The following CNTNAP2 variants were observed in gnomAD, a reference collection of about 807,000 sequenced individuals.
The protein encoded by CNTNAP2 is contactin associated protein 2, also known as contactin-associated protein-like 2.
CNTNAP2 carries 98 observed loss-of-function variants against 155.2 expected under a neutral mutation model. That is an observed-to-expected ratio of 0.63 (90% confidence interval 0.54 to 0.75). The LOEUF (loss-of-function observed/expected upper bound fraction) is 0.75. Among genes scored for constraint, CNTNAP2 ranks in the 30% least tolerant of loss-of-function variants. The probability of loss-of-function intolerance (pLI) is 0.00; values close to 1 mark genes in which losing one functional copy is unlikely to be tolerated. For synonymous variants in CNTNAP2, 651 were observed against 631.2 expected (o/e 1.03, Z -0.47); for missense variants, 1,727 against 1,688.1 (o/e 1.02, Z -0.40).
chr7:147,131,401 C>T (rs1801356377), intron 7 of CNTNAP2, among the ~76,000 whole-genome samples: 1 of 151,648 alleles, frequency 6.6e-6, no homozygotes, highest in Non-Finnish European at 1.5e-5. Context: ...ATTTTTAGAC[C>T]TGTAAAGAGA....
chr7:148,349,207 A>G (rs1338325909), intron 21 of CNTNAP2, among the ~76,000 whole-genome samples: 1 of 152,190 alleles, frequency 6.6e-6, no homozygotes, highest in Non-Finnish European at 1.5e-5. Flanking sequence ...AGAGTGATCA[A>G]GGGAGGAAGT....
chr7:148,111,320 T>C (rs1253523501), intron 15 of CNTNAP2, among the ~76,000 whole-genome samples: 1 of 152,014 alleles, frequency 6.6e-6, no homozygotes, highest in Non-Finnish European at 1.5e-5. Context: ...ATTAATATTC[T>C]CAGAGAGACA....
intron 2 of CNTNAP2, among the ~76,000 whole-genome samples, chr7:146,808,617 A>G (rs930155282): frequency 1.3e-5 from 2 of 152,240 alleles, no homozygotes; most frequent in African/African-American, 4.8e-5. Context: ...ATCAAAATCA[A>G]GTTAATACAT....
chr7:147,596,654 A>G (rs1052662278), intron 12 of CNTNAP2, among the ~76,000 whole-genome samples: 4 of 151,314 alleles, frequency 2.6e-5, no homozygotes, highest in Admixed American at 2.0e-4. Context: ...TCCTCTTACA[A>G]CCTTTGTGTC....
intron 21 of CNTNAP2, among the ~76,000 whole-genome samples, chr7:148,349,433 A>G (rs1301598457): frequency 2.6e-4 from 35 of 134,868 alleles, no homozygotes; most frequent in Middle Eastern, 4.0e-3. Flanking sequence ...ACAGAGTCTC[A>G]CTCTGTCGCC....
chr7:146,221,033 C>T (rs1354754376), intron 1 of CNTNAP2, among the ~76,000 whole-genome samples: 2 of 152,210 alleles, frequency 1.3e-5, no homozygotes, highest in South Asian at 2.1e-4. Flanking sequence ...AGTCCAGAGT[C>T]GTCTTCACTT....
At chr7:148,219,493 A>G (rs185626760) in intron 19 of CNTNAP2, among the ~76,000 whole-genome samples, 1 of 152,288 alleles carries the variant, frequency 6.6e-6, no homozygotes, top group East Asian at 1.9e-4. Flanking sequence ...CAGTAGTTCA[A>G]GATTAGCCTA....
intron 15 of CNTNAP2, among the ~76,000 whole-genome samples, chr7:148,086,689 AG>A (rs1244489475): frequency 1.3e-5 from 2 of 152,060 alleles, no homozygotes; most frequent in African/African-American, 2.4e-5. Context: ...ATAGCTTCTT[AG>A]GGTTCAAAAA....
intron 1 of CNTNAP2, among the ~76,000 whole-genome samples, chr7:146,277,819 AG>A (rs1325783208): frequency 2.0e-5 from 3 of 152,208 alleles, no homozygotes; most frequent in Non-Finnish European, 4.4e-5. Context: ...TTTCATGAAA[AG>A]CTTCCTGGAT....
chr7:147,396,086 G>T (rs1043342409), intron 10 of CNTNAP2, among the ~76,000 whole-genome samples: 1 of 146,690 alleles, frequency 6.8e-6, no homozygotes, highest in Non-Finnish European at 1.5e-5. Flanking sequence ...ACATATATAT[G>T]TAGCATATAT....
At chr7:146,762,740 A>G (rs2129184236) in intron 1 of CNTNAP2, among the ~76,000 whole-genome samples, 1 of 152,354 alleles carries the variant, frequency 6.6e-6, no homozygotes, top group East Asian at 1.9e-4. Flanking sequence ...GGGAGGCCTC[A>G]TAATCATGGT....
At chr7:146,643,479 G>C (rs1048269616) in intron 1 of CNTNAP2, among the ~76,000 whole-genome samples, 2 of 152,098 alleles carry the variant, frequency 1.3e-5, no homozygotes, top group African/African-American at 4.8e-5. Flanking sequence ...TAGATATGCA[G>C]CGTTATTTCT....
At chr7:148,361,080 T>C (rs909300302) in intron 21 of CNTNAP2, among the ~76,000 whole-genome samples, 1 of 152,222 alleles carries the variant, frequency 6.6e-6, no homozygotes, top group Non-Finnish European at 1.5e-5. Flanking sequence ...AATGCTGGGA[T>C]TACAGGCATG....
intron 3 of CNTNAP2, among the ~76,000 whole-genome samples, chr7:146,874,352 T>G (rs1383006355): frequency 1.3e-5 from 2 of 152,136 alleles, no homozygotes; most frequent in Non-Finnish European, 2.9e-5. Context: ...TTATTTTATT[T>G]TTTTGAGATG....
chr7:147,162,561 C>T (rs994215037), intron 8 of CNTNAP2, among the ~76,000 whole-genome samples: 1 of 152,022 alleles, frequency 6.6e-6, no homozygotes, highest in Non-Finnish European at 1.5e-5. Flanking sequence ...TATAATAGTC[C>T]TTTTACACAG....
At chr7:147,605,714 G>C (rs117157626) in intron 12 of CNTNAP2, among the ~76,000 whole-genome samples, 1 of 152,052 alleles carries the variant, frequency 6.6e-6, no homozygotes, top group Non-Finnish European at 1.5e-5. Context: ...TCAGAAAAAG[G>C]TTCTCCCTGC....
chr7:146,275,391 T>C (rs1038083717), intron 1 of CNTNAP2, among the ~76,000 whole-genome samples: 5 of 152,202 alleles, frequency 3.3e-5, no homozygotes, highest in Admixed American at 1.3e-4. Flanking sequence ...TTTAAAATAG[T>C]ATTTCTTATT....
chr7:148,357,016 C>T (rs542784937), intron 21 of CNTNAP2, among the ~76,000 whole-genome samples: 3 of 152,230 alleles, frequency 2.0e-5, no homozygotes, highest in Non-Finnish European at 2.9e-5. Flanking sequence ...GGAGACCTTT[C>T]CAGCTTTATC....
In CNTNAP2 at chr7:147,518,373, C is replaced by A. The variant is rs549959023; in HGVS notation, c.1777+32332C>A. 6.6e-5 allele frequency among the ~76,000 whole-genome samples: 10 copies of A among 152,114 alleles called. No homozygotes were observed. The South Asian group carries it at 2.1e-3, about 32-fold the overall frequency. The stretch of plus-strand genomic sequence containing the variant: ...AAAATAAATGAGAGAAGGTGGTAGA[C>A]CACTAGGATGAAGAAGCAGAAGATG... On this transcript the variant is annotated intron_variant, in intron 11 of 23. Transcript: ENST00000361727.
Sources: gnomAD v4.1 joint callset for allele counts (sites outside exome capture counted in the v4.1 genomes callset) on GRCh38, gnomAD v4.1.1 for gene constraint, MANE v1.5 for transcripts, NCBI Gene and HGNC (gene_info 2026-07-23, HGNC 2026-07-21) for gene names.